STAM: variants seen among roughly 807,000 people sequenced by gnomAD.
STAM encodes signal transducing adapter molecule 1.
A neutral mutation model predicts 63.4 loss-of-function variants in STAM; 16 were observed. The ratio of observed to expected loss-of-function variants is 0.25; its 90% CI spans 0.17 to 0.38. The LOEUF is 0.38. Among genes scored for constraint, STAM ranks in the 10% least tolerant of loss-of-function variants. The probability of loss-of-function intolerance (pLI) is 1.00; values close to 1 mark genes in which losing one functional copy is unlikely to be tolerated. For missense variants in STAM, 636 were observed against 657.1 expected, an observed-to-expected ratio of 0.97 and a Z score of 0.35; for synonymous variants, 238 against 223.9, an observed-to-expected ratio of 1.06 and a Z score of -0.56.
At chr10:17,690,328 C>T (rs1269975766) in intron 5 of STAM, among the ~76,000 whole-genome samples, 2 of 152,180 alleles carry the variant, frequency 1.3e-5, no homozygotes, top group Non-Finnish European at 2.9e-5. Flanking sequence ...CTAGCTTATT[C>T]TCTTGTTCAA....
At chr10:17,682,873 C>T (rs995572992) in intron 2 of STAM, among the ~76,000 whole-genome samples, 10 of 152,052 alleles carry the variant, frequency 6.6e-5, no homozygotes, top group African/African-American at 1.7e-4. Flanking sequence ...TGTTTCCTTT[C>T]GGCTGTATCG....
intron 9 of STAM, among the ~76,000 whole-genome samples, chr10:17,702,703 T>C (rs1444671118): frequency 2.0e-5 from 3 of 152,086 alleles, no homozygotes; most frequent in Admixed American, 2.0e-4. Context: ...GATGTTTGGC[T>C]GATTGCATTA....
At chr10:17,690,162 C>G (rs1426658284) in intron 5 of STAM, among the ~76,000 whole-genome samples, 2 of 152,234 alleles carry the variant, frequency 1.3e-5, no homozygotes, top group African/African-American at 2.4e-5. Flanking sequence ...ACAGCTGGAA[C>G]TAGAACACAG....
At chr10:17,683,884 G>A (rs1835186258) in intron 2 of STAM, among the ~76,000 whole-genome samples, 2 of 152,278 alleles carry the variant, frequency 1.3e-5, no homozygotes, top group South Asian at 2.1e-4. Context: ...TGAGCATCAG[G>A]TGTTGTATTC....
intron 2 of STAM, among the ~76,000 whole-genome samples, chr10:17,677,685 G>A (rs1487602542): frequency 2.0e-5 from 3 of 152,034 alleles, no homozygotes; most frequent in Non-Finnish European, 4.4e-5. Flanking sequence ...AAAAGTTTTA[G>A]GATTAAAAAA....
At chr10:17,645,414 TG>T (rs1238734572) in intron 1 of STAM, among the ~76,000 whole-genome samples, 19 of 152,344 alleles carry the variant, frequency 1.2e-4, no homozygotes, top group East Asian at 7.7e-4. Context: ...CACTGAAACT[TG>T]GAAGTTTATA....
intron 2 of STAM, among the ~76,000 whole-genome samples, chr10:17,671,460 G>A (rs1834638167): frequency 6.6e-6 from 1 of 152,192 alleles, no homozygotes. Flanking sequence ...TTTTACAGAT[G>A]AGGTCTGTCA....
At chr10:17,688,700 T>A (rs1589080676) in intron 5 of STAM, among the ~76,000 whole-genome samples, 1 of 151,874 alleles carries the variant, frequency 6.6e-6, no homozygotes, top group African/African-American at 2.4e-5. Flanking sequence ...TGACCTCAGG[T>A]GTTCTGCCCG....
At chr10:17,663,915 A>G (rs1834274612) in intron 2 of STAM, among the ~76,000 whole-genome samples, 1 of 152,068 alleles carries the variant, frequency 6.6e-6, no homozygotes, top group South Asian at 2.1e-4. Context: ...TCATATTAGG[A>G]CATTCCTGGG....
At chr10:17,665,492 T>C (rs1295575969) in intron 2 of STAM, among the ~76,000 whole-genome samples, 3 of 152,172 alleles carry the variant, frequency 2.0e-5, no homozygotes, top group Admixed American at 2.0e-4. Flanking sequence ...GTAATAAGAA[T>C]GTTGTATATA....
Position 17,652,041 on chromosome 10 carries a change from A to C in STAM, c.40+7662A>C, listed in dbSNP as rs534764883. On this transcript the variant is annotated intron_variant, in intron 1 of 13. Transcript: ENST00000377524. ...CTGGGTACTGCTGGGCAGATTTCTC[A>C]ATCTCCTCTTTTTGAGTATTAGTGT... Among the ~76,000 whole-genome samples, 6 of 152,348 alleles carry C rather than the reference A, an allele frequency of 3.9e-5. No individual in the cohort carries two copies. In the South Asian group the frequency reaches 1.2e-3, roughly 32 times the overall value.
chr10:17,644,520 G>A (rs547815507), intron 1 of STAM, 141 bp downstream of exon 1: 2 of 1,008,156 alleles, frequency 2.0e-6, no homozygotes, highest in African/African-American at 1.6e-5. Context: ...CTCCTTCAGA[G>A]CTGGGAGGAG....
intron 2 of STAM, among the ~76,000 whole-genome samples, chr10:17,669,767 A>G (rs1241413658): frequency 2.0e-5 from 3 of 147,860 alleles, no homozygotes; most frequent in African/African-American, 7.5e-5. Flanking sequence ...GCGCAATCTC[A>G]GCTCACCGCA....
At position 17,684,914 on chromosome 10, in the gene STAM, A is replaced by G. The variant is rs781871371; in HGVS notation, c.284A>G (p.Asn95Ser). 4 of 1,613,394 alleles carry G rather than the reference A, an allele frequency of 2.5e-6. No individual in the cohort carries two copies. In the African/African-American group the frequency reaches 5.3e-5, roughly 22 times the overall value. The change falls in exon 4 of 14, where the codon AAC becomes AGC. Residue 95 changes from asparagine to serine, a missense_variant. Asn to Ser is a conservative substitution (Grantham distance 46). Coordinates refer to ENST00000377524, the MANE Select transcript of STAM (RefSeq NM_003473.4). ...AGAGATTTTGCTAGTGAAGTAAGCA[A>G]CGTATTAAATAAGGTAAGGAGCATT... Reference protein sequence around the residue: ...CSRDFASEVSNVLNKGHPKVC... With the variant: ...CSRDFASEVSSVLNKGHPKVC...
At chr10:17,695,924 A>T (rs1276416141) in intron 7 of STAM, 1 of 152,208 alleles carries the variant, frequency 6.6e-6, no homozygotes, top group Non-Finnish European at 1.5e-5. Flanking sequence ...TATTTCTCAC[A>T]GACAGATTGA....
chr10:17,705,444 A>G, intron 11 of STAM, 144 bp from the exon 12 acceptor site: 3 of 985,038 alleles, frequency 3.0e-6, no homozygotes, highest in Non-Finnish European at 4.3e-6. Context: ...GCTAAAATGC[A>G]GGATATTTTT....
At chr10:17,660,600 G>A (rs1420308347) in intron 2 of STAM, 52 bp downstream of exon 2, 9 of 1,449,874 alleles carry the variant, frequency 6.2e-6, no homozygotes, top group African/African-American at 1.4e-5. Flanking sequence ...TAAAAAACAC[G>A]AAAGGCCAGG....
intron 13 of STAM, among the ~76,000 whole-genome samples, chr10:17,711,140 C>A (rs558740480): frequency 6.6e-6 from 1 of 152,264 alleles, no homozygotes; most frequent in Non-Finnish European, 1.5e-5. Context: ...TTTTTTAGCA[C>A]TCCTCAGTTT....
chr10:17,714,997 A>C lies in STAM; in HGVS notation c.*217A>C. 1.8e-6 allele frequency: 1 copy of C among 547,330 alleles called. No homozygotes were observed. The highest frequency in any genetic ancestry group is 3.3e-6 in the Non-Finnish European group (1 of 304,034). 33.9% of individuals were successfully genotyped at this position (547,330 alleles called of 1,614,324 possible). ...CTGCAGAGGAATGAAACTACTTACAACATTTAATTCCTTTCATAATATGAA... is the reference window on the plus strand; with the variant it reads ...CTGCAGAGGAATGAAACTACTTACACCATTTAATTCCTTTCATAATATGAA... On this transcript the variant is annotated 3_prime_UTR_variant, in exon 14 of 14. Transcript: ENST00000377524.
Sources: allele counts gnomAD v4.1 joint callset (sites outside exome capture counted in the v4.1 genomes callset), GRCh38; gene constraint gnomAD v4.1.1; transcripts MANE v1.5; gene names NCBI Gene and HGNC (gene_info 2026-07-23, HGNC 2026-07-21).